Variants in GLRB observed in about 807,000 individuals in gnomAD.
The protein encoded by GLRB is glycine receptor subunit beta.
A neutral mutation model predicts 54.2 loss-of-function variants in GLRB; 33 were observed. The ratio of observed to expected loss-of-function variants is 0.61; its 90% CI spans 0.46 to 0.81. The LOEUF (loss-of-function observed/expected upper bound fraction) is 0.81, where lower values mean the gene tolerates loss of function less well. Ranked by LOEUF, GLRB falls within the 40% of genes least tolerant of loss-of-function variation. The pLI is 0.00. For missense variants in GLRB, 572 were observed against 584.6 expected (o/e 0.98, Z 0.22); for synonymous variants, 209 against 208.2 (o/e 1.00, Z -0.03).
chr4:157,095,076 G>C lies in GLRB; in HGVS notation c.122+16930G>C, dbSNP rs181415446. Among the ~76,000 whole-genome samples, 23 of 152,290 alleles carry C rather than the reference G, an allele frequency of 1.5e-4. 1 individual carries two copies. Among genetic ancestry groups the C allele is most frequent in the African/African-American group, 5.5e-4 (23 of 41,568 alleles). ...GGTCGTGCTGATCTACATTGAGTTG[G>C]CTACAGGAAGGCCATGGAGATTTAT... On this transcript the variant is annotated intron_variant, in intron 2 of 9. Transcript: ENST00000264428.
chr4:157,155,895 CTCTT>C (rs1317149948), intron 9 of GLRB, among the ~76,000 whole-genome samples: 1 of 151,806 alleles, frequency 6.6e-6, no homozygotes, highest in Non-Finnish European at 1.5e-5. Flanking sequence ...CTTGCCCTCT[CTCTT>C]CTCTTTTCAA....
In GLRB at chr4:157,136,421, A is replaced by G. The variant is rs755969011; in HGVS notation, c.298-48A>G. On this transcript the variant is annotated intron_variant, in intron 4 of 9. Coordinates refer to ENST00000264428, the MANE Select transcript of GLRB (RefSeq NM_000824.5). ...TGTTTTGGGGCCGAATAAGTTCTTA[A>G]AAATAGCAATAAACATACACATGTG... 5 of 1,091,476 alleles carry G rather than the reference A, an allele frequency of 4.6e-6. No individual in the cohort carries two copies. In the Admixed American group the frequency reaches 5.2e-5, roughly 11 times the overall value. 67.6% of individuals were successfully genotyped at this position (1,091,476 alleles called of 1,614,324 possible).
intron 9 of GLRB, among the ~76,000 whole-genome samples, chr4:157,169,990 G>A (rs73856844): frequency 6.6e-4 from 101 of 152,184 alleles, no homozygotes; most frequent in African/African-American, 2.2e-3. Flanking sequence ...TTTATAAACC[G>A]CTCTACTTGG....
intron 2 of GLRB, among the ~76,000 whole-genome samples, chr4:157,112,690 C>T (rs115441031): frequency 0.02 from 2,976 of 151,912 alleles, 76 homozygotes; most frequent in African/African-American, 0.066. Context: ...TGGGATGGCC[C>T]TTCAGGGTTG....
At chr4:157,085,442 T>C (rs1734374520) in intron 2 of GLRB, among the ~76,000 whole-genome samples, 1 of 152,134 alleles carries the variant, frequency 6.6e-6, no homozygotes. Context: ...TATATCTTCC[T>C]AGTTATTCAC....
chr4:157,154,429 T>C (rs987879493), intron 9 of GLRB, among the ~76,000 whole-genome samples: 13 of 142,922 alleles, frequency 9.1e-5, no homozygotes, highest in Non-Finnish European at 2.0e-4. Flanking sequence ...TTTCCTTTTT[T>C]TTTTTTTTTT....
intron 2 of GLRB, among the ~76,000 whole-genome samples, chr4:157,095,444 A>T (rs1579193013): frequency 6.6e-6 from 1 of 152,218 alleles, no homozygotes; most frequent in South Asian, 2.1e-4. Flanking sequence ...TCAGGAGAAA[A>T]TATCCAATAA....
chr4:157,132,516 A>G (rs1560960102), intron 4 of GLRB, among the ~76,000 whole-genome samples: 2 of 151,742 alleles, frequency 1.3e-5, no homozygotes, highest in Non-Finnish European at 2.9e-5. Context: ...CTCTTTGGGA[A>G]CCCCACCAGC....
intron 7 of GLRB, among the ~76,000 whole-genome samples, chr4:157,141,950 C>T (rs1053653784): frequency 6.6e-6 from 1 of 151,904 alleles, no homozygotes; most frequent in African/African-American, 2.4e-5. Flanking sequence ...TGTAGTAAAT[C>T]GTTATAATAT....
At chr4:157,093,906 T>C (rs13131973) in intron 2 of GLRB, among the ~76,000 whole-genome samples, 14,373 of 152,188 alleles carry the variant, frequency 0.094, 948 homozygotes, top group Non-Finnish European at 0.14. Flanking sequence ...CTTTCTCATA[T>C]AGAATATTAC....
At chr4:157,122,682 G>T (rs1392059806) in intron 4 of GLRB, among the ~76,000 whole-genome samples, 1 of 151,700 alleles carries the variant, frequency 6.6e-6, no homozygotes, top group African/African-American at 2.4e-5. Flanking sequence ...AAGCGCTTAT[G>T]CCATGAAGAC....
intron 9 of GLRB, among the ~76,000 whole-genome samples, chr4:157,158,599 T>C (rs1737333145): frequency 6.6e-6 from 1 of 152,056 alleles, no homozygotes; most frequent in Non-Finnish European, 1.5e-5. Context: ...TTCATTTCCT[T>C]ATTTCTTGTT....
intron 9 of GLRB, among the ~76,000 whole-genome samples, chr4:157,158,824 A>G (rs980933702): frequency 6.6e-6 from 1 of 151,990 alleles, no homozygotes; most frequent in South Asian, 2.1e-4. Flanking sequence ...GGCTCTTTTT[A>G]GGTTCCATAT....
At position 157,124,172 on chromosome 4, in the gene GLRB, C is replaced by T. The variant is rs75315500; in HGVS notation, c.297+1775C>T. 6.1e-3 allele frequency among the ~76,000 whole-genome samples: 931 copies of T among 151,830 alleles called. 22 individuals are homozygous for T. The East Asian group carries it at 0.1, about 17-fold the overall frequency. On this transcript the variant is annotated intron_variant, in intron 4 of 9. Transcript: ENST00000264428. ...TCTAATATCCTCTCACTCATCTGCA[C>T]AGACCCATCCCAGTAGTTAGCCAAG...
intron 9 of GLRB, among the ~76,000 whole-genome samples, chr4:157,162,112 G>A (rs1737519962): frequency 6.6e-6 from 1 of 152,114 alleles, no homozygotes; most frequent in Admixed American, 6.5e-5. Flanking sequence ...CTTTCTTCCA[G>A]TTGATCAAAT....
chr4:157,080,743 T>G (rs1313275663), intron 2 of GLRB, among the ~76,000 whole-genome samples: 1 of 151,996 alleles, frequency 6.6e-6, no homozygotes, highest in Non-Finnish European at 1.5e-5. Flanking sequence ...ACCCTAATAC[T>G]CCTCAGGATG....
chr4:157,098,214 A>T (rs992061303), intron 2 of GLRB, among the ~76,000 whole-genome samples: 1 of 152,178 alleles, frequency 6.6e-6, no homozygotes, highest in African/African-American at 2.4e-5. Flanking sequence ...GTGAGATTTC[A>T]TCCATGCTTG....
At chr4:157,091,973 C>CAA (rs904727567) in intron 2 of GLRB, among the ~76,000 whole-genome samples, 2 of 152,080 alleles carry the variant, frequency 1.3e-5, no homozygotes, top group African/African-American at 4.8e-5. Flanking sequence ...TCAAATGCTA[C>CAA]AAAAAATCAA....
intron 4 of GLRB, among the ~76,000 whole-genome samples, chr4:157,131,058 C>A (rs1009014726): frequency 3.3e-5 from 5 of 151,680 alleles, no homozygotes; most frequent in Admixed American, 2.6e-4. Flanking sequence ...AGACAGAAAT[C>A]ATTAGTAACA....
Sources: allele counts gnomAD v4.1 joint callset (sites outside exome capture counted in the v4.1 genomes callset), GRCh38; gene constraint gnomAD v4.1.1; transcripts MANE v1.5; gene names NCBI Gene and HGNC (gene_info 2026-07-23, HGNC 2026-07-21).